Variants in CNTN5 observed in about 807,000 individuals in gnomAD.
CNTN5 encodes the protein contactin 5.
In CNTN5, 77 loss-of-function variants were observed where a neutral mutation model predicts 129.1. That is an observed-to-expected ratio of 0.60 (90% CI 0.50 to 0.72). CNTN5 has a LOEUF of 0.72. Among genes scored for constraint, CNTN5 ranks in the 30% least tolerant of loss-of-function variants. The probability of loss-of-function intolerance (pLI) is 0.00; values close to 1 mark genes in which losing one functional copy is unlikely to be tolerated. For missense variants in CNTN5, 1,478 were observed against 1,328.8 expected, an observed-to-expected ratio of 1.11 and a Z score of -1.75; for synonymous variants, 509 against 465.6, an observed-to-expected ratio of 1.09 and a Z score of -1.20.
At chr11:100,138,057 GA>G (rs1308615086) in intron 13 of CNTN5, among the ~76,000 whole-genome samples, 4 of 152,154 alleles carry the variant, frequency 2.6e-5, no homozygotes, top group African/African-American at 9.6e-5. Context: ...GACGGAAAGG[GA>G]AATGAAGGAC....
intron 1 of CNTN5, among the ~76,000 whole-genome samples, chr11:99,276,801 C>CAAGT (rs1863457789): frequency 6.6e-6 from 1 of 151,396 alleles, no homozygotes; most frequent in African/African-American, 2.4e-5. Flanking sequence ...CTATTTCTAT[C>CAAGT]AAGTTTTATG....
chr11:99,196,355 C>T (rs1414982382), intron 1 of CNTN5, among the ~76,000 whole-genome samples: 1 of 151,848 alleles, frequency 6.6e-6, no homozygotes, highest in African/African-American at 2.4e-5. Context: ...ATTTGTATAA[C>T]TAAATCCTTT....
At chr11:99,119,871 T>A (rs1858223322) in intron 1 of CNTN5, among the ~76,000 whole-genome samples, 1 of 152,172 alleles carries the variant, frequency 6.6e-6, no homozygotes, top group Non-Finnish European at 1.5e-5. Context: ...ATTTTTCTAA[T>A]GATCAGTGAT....
At chr11:99,380,792 GAA>G (rs1300874528) in intron 2 of CNTN5, among the ~76,000 whole-genome samples, 1 of 132,448 alleles carries the variant, frequency 7.6e-6, no homozygotes, top group African/African-American at 2.9e-5. Flanking sequence ...AAAAAGAAAA[GAA>G]AAAAGAAAAG....
At chr11:99,112,473 T>A (rs1857845482) in intron 1 of CNTN5, among the ~76,000 whole-genome samples, 2 of 152,162 alleles carry the variant, frequency 1.3e-5, no homozygotes, top group Middle Eastern at 3.4e-3. Context: ...ACAAAAATAA[T>A]TTTAATACGA....
At chr11:99,588,343 CAAAAAAAAA>C (rs149362368) in intron 3 of CNTN5, among the ~76,000 whole-genome samples, 2 of 93,040 alleles carry the variant, frequency 2.1e-5, no homozygotes, top group Admixed American at 2.5e-4. Flanking sequence ...GACTCCTTCT[CAAAAAAAAA>C]AAAAAAAAAA....
At chr11:100,296,948 T>C (rs112600370) in intron 18 of CNTN5, among the ~76,000 whole-genome samples, 2,425 of 151,662 alleles carry the variant, frequency 0.016, 69 homozygotes, top group African/African-American at 0.056. Flanking sequence ...AAGTTCTTCA[T>C]TTGAAAATGT....
At chr11:99,333,175 G>A (rs925460498) in intron 2 of CNTN5, among the ~76,000 whole-genome samples, 1 of 151,914 alleles carries the variant, frequency 6.6e-6, no homozygotes, top group Non-Finnish European at 1.5e-5. Flanking sequence ...TTATTTTAAT[G>A]CTACATTTGG....
intron 2 of CNTN5, among the ~76,000 whole-genome samples, chr11:99,328,067 A>G (rs1320982898): frequency 2.0e-5 from 3 of 152,246 alleles, no homozygotes; most frequent in Non-Finnish European, 4.4e-5. Flanking sequence ...AGAATAGAGT[A>G]GAATGTGCTC....
chr11:99,521,554 C>T (rs1166809583), intron 2 of CNTN5, among the ~76,000 whole-genome samples: 2 of 152,126 alleles, frequency 1.3e-5, no homozygotes, highest in African/African-American at 4.8e-5. Flanking sequence ...AAATGTGAGT[C>T]ATCCTTTCTT....
In CNTN5 at chr11:100,224,907, T is replaced by C. The variant is rs1811318873; in HGVS notation, c.2005+95T>C. 4 of 1,155,616 alleles carry C rather than the reference T, an allele frequency of 3.5e-6. No individual in the cohort carries two copies. In the Middle Eastern group the frequency reaches 6.8e-4, roughly 196 times the overall value. 71.6% of individuals were successfully genotyped at this position (1,155,616 alleles called of 1,614,324 possible). A position where few individuals can be genotyped will look rare whatever the true frequency, so the allele number is the denominator to read the frequency against. The stretch of plus-strand genomic sequence containing the variant: ...ATGGACTTTGAGCACATCAGTACTG[T>C]GCATTTTACTTTCAATTTTACAATA... On this transcript the variant is annotated intron_variant, in intron 16 of 24. Transcript: ENST00000524871.
intron 16 of CNTN5, among the ~76,000 whole-genome samples, chr11:100,245,369 T>C (rs1415084081): frequency 6.6e-6 from 1 of 152,134 alleles, no homozygotes; most frequent in Admixed American, 6.6e-5. Context: ...ATGTGCTTAC[T>C]CCTGAACAAG....
chr11:100,038,491 G>T (rs1423123350), intron 9 of CNTN5, among the ~76,000 whole-genome samples: 2 of 152,172 alleles, frequency 1.3e-5, no homozygotes, highest in African/African-American at 2.4e-5. Context: ...GGTCTGCTTG[G>T]TGCAGAGCTG....
chr11:99,368,681 T>C (rs1488057730), intron 2 of CNTN5, among the ~76,000 whole-genome samples: 2 of 152,196 alleles, frequency 1.3e-5, no homozygotes, highest in Non-Finnish European at 2.9e-5. Context: ...CTTCCTGTTG[T>C]ATTAGTCAGA....
chr11:100,009,612 G>A (rs970442823), intron 9 of CNTN5, among the ~76,000 whole-genome samples: 1 of 152,072 alleles, frequency 6.6e-6, no homozygotes, highest in Non-Finnish European at 1.5e-5. Context: ...GAATTAGATT[G>A]GGTGTAATGT....
chr11:99,279,685 A>G (rs1197346417), intron 1 of CNTN5, among the ~76,000 whole-genome samples: 3 of 151,756 alleles, frequency 2.0e-5, no homozygotes, highest in African/African-American at 7.3e-5. Flanking sequence ...TAATAATTGA[A>G]TAAGTCCGTG....
intron 3 of CNTN5, among the ~76,000 whole-genome samples, chr11:99,798,304 T>C (rs909506160): frequency 6.6e-6 from 1 of 151,568 alleles, no homozygotes; most frequent in African/African-American, 2.4e-5. Context: ...CTCATTCTTT[T>C]CTATGGTAGA....
intron 3 of CNTN5, among the ~76,000 whole-genome samples, chr11:99,562,436 T>A (rs975907469): frequency 6.6e-6 from 1 of 152,292 alleles, no homozygotes; most frequent in African/African-American, 2.4e-5. Flanking sequence ...AGTTAAGAAC[T>A]ATTAAGTCCA....
intron 2 of CNTN5, among the ~76,000 whole-genome samples, chr11:99,435,884 A>T (rs1042415155): frequency 6.6e-6 from 1 of 152,224 alleles, no homozygotes; most frequent in African/African-American, 2.4e-5. Flanking sequence ...TATGGGGAAG[A>T]TGGTAACAAA....
Sources: gnomAD v4.1 joint callset for allele counts (sites outside exome capture counted in the v4.1 genomes callset) on GRCh38, gnomAD v4.1.1 for gene constraint, MANE v1.5 for transcripts, NCBI Gene and HGNC (gene_info 2026-07-23, HGNC 2026-07-21) for gene names.